The following HEMK2 variants were observed in gnomAD, a reference collection of about 807,000 sequenced individuals.
The protein encoded by HEMK2 is methyltransferase HEMK2.
chr21:28,757,194 TTC>T, the HEMK2 span, among the ~76,000 whole-genome samples: 2,500 of 152,320 alleles, frequency 0.016, 72 homozygotes, highest in African/African-American at 0.056. Flanking sequence ...CCATGCTTAA[TTC>T]AGGTATCATG....
At chr21:28,644,468 A>T in the HEMK2 span, among the ~76,000 whole-genome samples, 1 of 152,166 alleles carries the variant, frequency 6.6e-6, no homozygotes, top group African/African-American at 2.4e-5. Context: ...TGGCCACTGC[A>T]AAGAAATATG....
the HEMK2 span, among the ~76,000 whole-genome samples, chr21:28,731,355 T>C: frequency 1.3e-5 from 2 of 152,144 alleles, no homozygotes; most frequent in Non-Finnish European, 2.9e-5. Context: ...AAGTGCCATA[T>C]TCTGTGTAAT....
the HEMK2 span, among the ~76,000 whole-genome samples, chr21:28,578,971 C>CT: frequency 6.6e-6 from 1 of 152,144 alleles, no homozygotes; most frequent in Non-Finnish European, 1.5e-5. Flanking sequence ...GGAAAATTGT[C>CT]TAAGAGTTGG....
At chr21:28,756,506 A>G in the HEMK2 span, among the ~76,000 whole-genome samples, 1 of 152,094 alleles carries the variant, frequency 6.6e-6, no homozygotes, top group Middle Eastern at 3.2e-3. Context: ...TTTAGCTCCT[A>G]TTTGAGTCTC....
the HEMK2 span, among the ~76,000 whole-genome samples, chr21:28,699,015 G>GT: frequency 2.0e-5 from 3 of 152,074 alleles, no homozygotes; most frequent in African/African-American, 4.8e-5. Flanking sequence ...GCATTCATGT[G>GT]TTTTTTTAAT....
chr21:28,841,101 T>TTA, the HEMK2 span, among the ~76,000 whole-genome samples: 13,129 of 40,988 alleles, frequency 0.32, 3,297 homozygotes, highest in East Asian at 0.64. Flanking sequence ...ATATTATATA[T>TTA]TATATAATAA....
chr21:28,838,317 G>A, the HEMK2 span, among the ~76,000 whole-genome samples: 3 of 150,128 alleles, frequency 2.0e-5, no homozygotes, highest in Non-Finnish European at 4.5e-5. Context: ...GGTGGATCAC[G>A]AGGTCAGGAG....
At chr21:28,719,256 C>T in the HEMK2 span, among the ~76,000 whole-genome samples, 11 of 152,186 alleles carry the variant, frequency 7.2e-5, no homozygotes, top group African/African-American at 2.2e-4. Context: ...ACAGTTGACT[C>T]TGCCCAACTG....
chr21:28,792,180 A>C, the HEMK2 span, among the ~76,000 whole-genome samples: 1 of 152,058 alleles, frequency 6.6e-6, no homozygotes, highest in Non-Finnish European at 1.5e-5. Context: ...TTCCTGGAAA[A>C]CTCACGAATA....
chr21:28,683,859 A>T, the HEMK2 span, among the ~76,000 whole-genome samples: 5 of 152,208 alleles, frequency 3.3e-5, no homozygotes, highest in African/African-American at 1.2e-4. Context: ...ACAGCCCCTA[A>T]AAGCTAACTT....
At chr21:28,576,104 C>T in the HEMK2 span, among the ~76,000 whole-genome samples, 100,254 of 152,028 alleles carry the variant, frequency 0.66, 34,241 homozygotes, top group Non-Finnish European at 0.75. Context: ...AATATAAGTA[C>T]GTAGGAAAAG....
the HEMK2 span, among the ~76,000 whole-genome samples, chr21:28,816,420 A>C: frequency 1.3e-5 from 2 of 152,236 alleles, no homozygotes; most frequent in Non-Finnish European, 2.9e-5. Flanking sequence ...CTGTAATCCC[A>C]GAACTTTGAA....
At chr21:28,848,612 C>A in the HEMK2 span, among the ~76,000 whole-genome samples, 2 of 152,094 alleles carry the variant, frequency 1.3e-5, no homozygotes, top group Admixed American at 1.3e-4. Context: ...AATACATTCT[C>A]TTTTACTTAG....
At chr21:28,817,751 T>G in the HEMK2 span, among the ~76,000 whole-genome samples, 9 of 152,312 alleles carry the variant, frequency 5.9e-5, no homozygotes, top group African/African-American at 2.2e-4. Context: ...CAATTGTGCC[T>G]TCTATCCCTT....
the HEMK2 span, among the ~76,000 whole-genome samples, chr21:28,693,318 A>T: frequency 6.6e-6 from 1 of 152,212 alleles, no homozygotes; most frequent in South Asian, 2.1e-4. Flanking sequence ...TTTTAGGCAT[A>T]GAAGCGTGCA....
At chr21:28,596,742 G>A in the HEMK2 span, among the ~76,000 whole-genome samples, 5 of 151,884 alleles carry the variant, frequency 3.3e-5, no homozygotes. Context: ...ATTCAGTCTT[G>A]GCAGATGGAA....
chr21:28,679,723 A>G, the HEMK2 span, among the ~76,000 whole-genome samples: 50,263 of 151,770 alleles, frequency 0.33, 9,503 homozygotes, highest in African/African-American at 0.51. Context: ...GTGCAATCGA[A>G]CTAGAACTCA....
chr21:28,765,510 A>G, the HEMK2 span, among the ~76,000 whole-genome samples: 2 of 152,118 alleles, frequency 1.3e-5, no homozygotes, highest in South Asian at 4.1e-4. Context: ...ACTGGCTTTT[A>G]GTCCTAAGAA....
the HEMK2 span, among the ~76,000 whole-genome samples, chr21:28,760,022 G>C: frequency 1.7e-3 from 226 of 136,300 alleles, 1 homozygote; most frequent in African/African-American, 6.5e-3. Context: ...GCCATCACTT[G>C]TGGGATATTT....
Sources: allele counts gnomAD v4.1 joint callset (sites outside exome capture counted in the v4.1 genomes callset), GRCh38; gene constraint gnomAD v4.1.1; transcripts MANE v1.5; gene names NCBI Gene and HGNC (gene_info 2026-07-23, HGNC 2026-07-21).